GSR: variants seen among roughly 807,000 people sequenced by gnomAD.
GSR encodes the protein glutathione reductase, mitochondrial.
A neutral mutation model predicts 56.5 loss-of-function variants in GSR; 48 were observed. That is an observed-to-expected ratio of 0.85 (90% confidence interval 0.67 to 1.08). GSR has a LOEUF of 1.08. GSR is among the 50% of genes least tolerant of loss of function. GSR has a pLI of 0.00. For missense variants in GSR, 694 were observed against 703.3 expected, an observed-to-expected ratio of 0.99 and a Z score of 0.15; for synonymous variants, 264 against 270.8, an observed-to-expected ratio of 0.97 and a Z score of 0.25.
At chr8:30,720,528 C>G (rs1247725666) in intron 1 of GSR, among the ~76,000 whole-genome samples, 1 of 152,150 alleles carries the variant, frequency 6.6e-6, no homozygotes, top group Non-Finnish European at 1.5e-5. Context: ...TTACACCAAC[C>G]ATGACTAAAT....
chr8:30,692,404 C>T (rs565488791), intron 8 of GSR, among the ~76,000 whole-genome samples: 59 of 150,300 alleles, frequency 3.9e-4, no homozygotes, highest in Middle Eastern at 3.6e-3. Context: ...CCATGTTGGT[C>T]AGGCTGGTCT....
rs779406633 is a variant in GSR, at chr8:30,700,135, C to A, written c.641G>T (p.Gly214Val). 1 of 1,611,372 alleles carries A rather than the reference C, an allele frequency of 6.2e-7. No homozygotes were observed. Among genetic ancestry groups the A allele is most frequent in the Non-Finnish European group, 8.5e-7 (1 of 1,177,638 alleles). Residue 214 changes from glycine to valine, a missense_variant and splice_region_variant, in exon 6 of 13, where the codon GGT (glycine) becomes GTT (valine). Physicochemically the swap from Gly to Val is moderately radical, Grantham distance 109 (BLOSUM62 -3). Transcript: ENST00000221130. ...PSTPHESQIP[G>V]ASLGITSDGF... Reference sequence around the variant, plus strand: ...ATCGCTGGTTATTCCTAAGCTGGCACCTATGTAGAAAAAGGCAACATAGAT... The same window carrying A: ...ATCGCTGGTTATTCCTAAGCTGGCAACTATGTAGAAAAAGGCAACATAGAT...
intron 10 of GSR, among the ~76,000 whole-genome samples, 153 bp downstream of exon 10, chr8:30,683,935 C>T (rs1803042514): frequency 6.6e-6 from 1 of 152,054 alleles, no homozygotes. Flanking sequence ...GGTATCCAAC[C>T]AATATCTATT....
intron 6 of GSR, among the ~76,000 whole-genome samples, chr8:30,698,606 A>G (rs1386881796): frequency 6.6e-6 from 1 of 152,220 alleles, no homozygotes; most frequent in African/African-American, 2.4e-5. Context: ...ATGGAACTGC[A>G]AAGCAGCTCC....
chr8:30,704,705 C>T (rs909863795), intron 4 of GSR: 2 of 152,148 alleles, frequency 1.3e-5, no homozygotes, highest in African/African-American at 2.4e-5. Flanking sequence ...CATATTGGAA[C>T]GTGCTTGATT....
At position 30,692,965 on chromosome 8, in the gene GSR, G is replaced by A; in HGVS notation, c.882+4C>T. 6.3e-7 allele frequency: 1 copy of A among 1,594,772 alleles called. No individual in the cohort carries two copies. On this transcript the variant is annotated splice_donor_region_variant and intron_variant, in intron 8 of 12. Coordinates refer to ENST00000221130, the MANE Select transcript of GSR (RefSeq NM_000637.5). The stretch of plus-strand genomic sequence containing the variant: ...CGCGTGCATGCCTGGGCTTGGCACT[G>A]TACCTGGGAGAACTTCAGCACCTCC...
At chr8:30,711,252 G>A (rs8190937) in intron 2 of GSR, among the ~76,000 whole-genome samples, 8,626 of 152,224 alleles carry the variant, frequency 0.057, 315 homozygotes, top group South Asian at 0.17. Context: ...TGGTAAGCTT[G>A]AGATTACAAC....
chr8:30,692,141 A>G lies in GSR; in HGVS notation c.882+828T>C, dbSNP rs187387847. Among the ~76,000 whole-genome samples the G allele has an allele frequency of 3.4e-3, 500 of 148,154 alleles. 3 individuals are homozygous for G. The highest frequency in any genetic ancestry group is 6.0e-3 in the Non-Finnish European group (404 of 66,890). On this transcript the variant is annotated intron_variant, in intron 8 of 12. Coordinates refer to ENST00000221130, the MANE Select transcript of GSR (RefSeq NM_000637.5). ...AAAAATCAAAGTTCATCTAAATTCA[A>G]CTGCCAGATTTCTAATATTTTACCC...
chr8:30,725,473 T>C (rs928478975), intron 1 of GSR, among the ~76,000 whole-genome samples: 4 of 150,660 alleles, frequency 2.7e-5, no homozygotes, highest in Non-Finnish European at 5.9e-5. Flanking sequence ...GGCAGGAGAG[T>C]TGCTTGAACC....
chr8:30,727,359 C>T (rs1804766717), intron 1 of GSR, among the ~76,000 whole-genome samples, 171 bp downstream of exon 1: 1 of 152,242 alleles, frequency 6.6e-6, no homozygotes. Context: ...CCGGACGCCT[C>T]TCTCTCCTCC....
chr8:30,682,261 A>T (rs1257090759), intron 10 of GSR, among the ~76,000 whole-genome samples, 200 bp from the exon 11 acceptor site: 2 of 152,186 alleles, frequency 1.3e-5, no homozygotes, highest in Non-Finnish European at 2.9e-5. Context: ...TTGGCTTATG[A>T]GAATCCTATA....
At chr8:30,722,056 T>C (rs1444132894) in intron 1 of GSR, among the ~76,000 whole-genome samples, 6 of 151,670 alleles carry the variant, frequency 4.0e-5, no homozygotes, top group Admixed American at 6.6e-5. Context: ...TTTCAAAGTA[T>C]GTTTTACAAA....
intron 1 of GSR, among the ~76,000 whole-genome samples, chr8:30,717,701 G>T (rs950106689): frequency 6.6e-6 from 1 of 151,946 alleles, no homozygotes; most frequent in Non-Finnish European, 1.5e-5. Flanking sequence ...CCAACTAGTT[G>T]CAGGAAAACA....
chr8:30,696,030 ACT>A lies in GSR; in HGVS notation c.795+348_795+349del, dbSNP rs371557564. Among the ~76,000 whole-genome samples, 1,291 of 152,166 alleles carry A rather than the reference ACT, an allele frequency of 8.5e-3. 16 individuals are homozygous for A. Among genetic ancestry groups the A allele is most frequent in the Middle Eastern group, 0.027 (8 of 294 alleles). ...ACTCCAGCCTGGACAAAAGAGTGAG[ACT>A]CTGTCTCAAAAAATAAAAATAAAAA... On this transcript the variant is annotated intron_variant, in intron 7 of 12. Transcript: ENST00000221130.
At chr8:30,725,028 C>T (rs1183430341) in intron 1 of GSR, among the ~76,000 whole-genome samples, 1 of 152,212 alleles carries the variant, frequency 6.6e-6, no homozygotes, top group East Asian at 1.9e-4. Context: ...TTCTGGCATA[C>T]TTTGGGGTTC....
At chr8:30,711,316 A>G (rs1804134838) in intron 2 of GSR, among the ~76,000 whole-genome samples, 1 of 152,244 alleles carries the variant, frequency 6.6e-6, no homozygotes, top group African/African-American at 2.4e-5. Context: ...AGTATAAGCA[A>G]GAGGCAGCTT....
At chr8:30,692,880 G>A (rs1032223967) in intron 8 of GSR, 89 bp downstream of exon 8, 1 of 805,694 alleles carries the variant, frequency 1.2e-6, no homozygotes, top group Non-Finnish European at 2.2e-6. Context: ...TAGACATAGT[G>A]TTTGTGTTTT....
intron 12 of GSR, 34 bp from the exon 13 acceptor site, chr8:30,679,703 CTTCTT>C: frequency 7.1e-7 from 1 of 1,399,600 alleles, no homozygotes; most frequent in Non-Finnish European, 9.7e-7. Flanking sequence ...TCTTTTCTTT[CTTCTT>C]TTTTTTTTTT....
intron 1 of GSR, among the ~76,000 whole-genome samples, chr8:30,714,858 A>G (rs898779505): frequency 6.6e-6 from 1 of 152,160 alleles, no homozygotes; most frequent in African/African-American, 2.4e-5. Context: ...AAAACAGTTT[A>G]ATGATCACTC....
Sources: gnomAD v4.1 joint callset for allele counts (sites outside exome capture counted in the v4.1 genomes callset) on GRCh38, gnomAD v4.1.1 for gene constraint, MANE v1.5 for transcripts, NCBI Gene and HGNC (gene_info 2026-07-23, HGNC 2026-07-21) for gene names.